RAD18: variants seen among roughly 807,000 people sequenced by gnomAD.
RAD18 encodes E3 ubiquitin-protein ligase RAD18.
Under a neutral mutation model 60.4 loss-of-function variants are expected in RAD18, and 47 were observed. The ratio of observed to expected loss-of-function variants is 0.78; its 90% CI spans 0.62 to 0.99. The LOEUF (loss-of-function observed/expected upper bound fraction) is 0.99. Among genes scored for constraint, RAD18 ranks in the 50% least tolerant of loss-of-function variants. The probability of loss-of-function intolerance (pLI) is 0.00; values close to 1 mark genes in which losing one functional copy is unlikely to be tolerated. For synonymous variants in RAD18, 225 were observed against 195.5 expected, an observed-to-expected ratio of 1.15 and a Z score of -1.26; for missense variants, 640 against 593.3, an observed-to-expected ratio of 1.08 and a Z score of -0.82.
Position 8,941,554 on chromosome 3 carries a change from G to T in RAD18, c.517C>A (p.Arg173Ser). The part of the protein sequence containing the change: ...ASPAAKTKET[R>S]SVEEIAPDPS... ...TCTGGAGCGATCTCTTCTACAGAAC[G>T]TGTCTCTTTGGTCTTTGCAGCAGGG... Residue 173 changes from arginine (R) to serine (S), a missense_variant, in exon 5 of 13, where the codon CGT (arginine) becomes AGT (serine). By Grantham distance (110) the Arg-to-Ser change is moderately radical. Coordinates refer to ENST00000264926, the MANE Select transcript of RAD18 (RefSeq NM_020165.4). 2 of 1,614,102 alleles carry T rather than the reference G, an allele frequency of 1.2e-6. No homozygotes were observed. Among genetic ancestry groups the T allele is most frequent in the Non-Finnish European group, 1.7e-6 (2 of 1,179,988 alleles).
chr3:8,957,943 TAAAATATATTTTA>T (rs1941038054), intron 2 of RAD18, among the ~76,000 whole-genome samples: 1 of 152,252 alleles, frequency 6.6e-6, no homozygotes, highest in Non-Finnish European at 1.5e-5. Flanking sequence ...AAGATGATGT[TAAAATATATTTTA>T]AAACAATCTC....
At chr3:8,887,096 T>C (rs139565122) in intron 12 of RAD18, among the ~76,000 whole-genome samples, 1 of 152,092 alleles carries the variant, frequency 6.6e-6, no homozygotes, top group Non-Finnish European at 1.5e-5. Context: ...CACAAAGGGA[T>C]TGAGACAGTA....
chr3:8,890,852 C>G (rs1939673010), intron 11 of RAD18, among the ~76,000 whole-genome samples: 1 of 151,992 alleles, frequency 6.6e-6, no homozygotes, highest in Non-Finnish European at 1.5e-5. Flanking sequence ...CTGTTTTAAC[C>G]CAACCTTTTC....
At position 8,941,505 on chromosome 3, in the gene RAD18, T is replaced by G. The variant is rs200434102; in HGVS notation, c.566A>C (p.Glu189Ala). The stretch of plus-strand genomic sequence containing the variant: ...TTTCAAAGTGGATGTCGAGGGTGGC[T>G]CAGGACGCTTAGCCTCTGAGGGATC... ...APDPSEAKRP[E>A]PPSTSTLKQV... The change falls in exon 5 of 13, where the codon GAG becomes GCG. Residue 189 changes from glutamate to alanine, a missense_variant. Glu to Ala is a moderately radical substitution (Grantham distance 107, BLOSUM62 -1). Transcript: ENST00000264926. 31 of 1,613,516 alleles carry G rather than the reference T, an allele frequency of 1.9e-5. No individual in the cohort carries two copies. Among genetic ancestry groups the G allele is most frequent in the Middle Eastern group, 1.6e-4 (1 of 6,084 alleles).
chr3:8,934,997 A>C (rs889056219), intron 7 of RAD18, among the ~76,000 whole-genome samples: 2 of 152,238 alleles, frequency 1.3e-5, no homozygotes, highest in African/African-American at 2.4e-5. Flanking sequence ...TAAAGATCAA[A>C]CATAGGCAAA....
chr3:8,937,637 T>C (rs1940675524), intron 6 of RAD18, among the ~76,000 whole-genome samples: 2 of 152,170 alleles, frequency 1.3e-5, no homozygotes, highest in Admixed American at 1.3e-4. Flanking sequence ...AAGAAGAACA[T>C]GGCCCAGTGT....
At chr3:8,921,973 G>A (rs982551376) in intron 7 of RAD18, among the ~76,000 whole-genome samples, 10 of 152,296 alleles carry the variant, frequency 6.6e-5, no homozygotes, top group Admixed American at 3.3e-4. Flanking sequence ...CAAGATGGCC[G>A]AATAGGAACA....
chr3:8,920,756 G>T (rs962459101), intron 7 of RAD18, among the ~76,000 whole-genome samples: 1 of 152,122 alleles, frequency 6.6e-6, no homozygotes, highest in Admixed American at 6.6e-5. Context: ...AACAAAGACT[G>T]TATTCTTTTA....
Position 8,893,292 on chromosome 3 carries a change from G to A in RAD18, c.1323-2841C>T, listed in dbSNP as rs919069395. Reference sequence around the variant, plus strand: ...CCTGAGGATTAAGGATTACCTACAAGTGGAATTTTTCTAGCATCTAGTAGT... The same window carrying A: ...CCTGAGGATTAAGGATTACCTACAAATGGAATTTTTCTAGCATCTAGTAGT... On this transcript the variant is annotated intron_variant, in intron 11 of 12. Transcript: ENST00000264926. Among the ~76,000 whole-genome samples the A allele has an allele frequency of 1.6e-4, 24 of 152,098 alleles. 1 individual carries two copies. The highest frequency in any genetic ancestry group is 5.9e-5 in the Non-Finnish European group (4 of 68,026).
Position 8,898,990 on chromosome 3 carries a change from G to A in RAD18, c.1226C>T (p.Ser409Phe). The A allele has an allele frequency of 1.2e-6, 2 of 1,609,946 alleles. No homozygotes were observed. Among genetic ancestry groups the A allele is most frequent in the Non-Finnish European group, 1.7e-6 (2 of 1,177,336 alleles). Residue 409 changes from serine (S) to phenylalanine (F), a missense_variant, in exon 11 of 13, where the codon TCC (serine) becomes TTC (phenylalanine). Ser to Phe is a radical substitution (Grantham distance 155). Coordinates refer to ENST00000264926, the MANE Select transcript of RAD18 (RefSeq NM_020165.4). The part of the protein sequence containing the change: ...TNHFSQSKLD[S>F]PEELEPDREE... Reference sequence around the variant, plus strand: ...TCTGTCAGGTTCCAATTCCTCTGGGGAGTCCAGCTTTGATTGAGAAAAGTG... The same window carrying A: ...TCTGTCAGGTTCCAATTCCTCTGGGAAGTCCAGCTTTGATTGAGAAAAGTG...
At chr3:8,919,586 A>G (rs1940276289) in intron 7 of RAD18, among the ~76,000 whole-genome samples, 1 of 152,228 alleles carries the variant, frequency 6.6e-6, no homozygotes, top group Non-Finnish European at 1.5e-5. Flanking sequence ...ATGCATGTGT[A>G]TGTATATATG....
chr3:8,949,507 G>A (rs1940894815), intron 2 of RAD18, among the ~76,000 whole-genome samples: 1 of 152,164 alleles, frequency 6.6e-6, no homozygotes. Context: ...CTTTTAGGAA[G>A]CAAAGATGAA....
intron 2 of RAD18, among the ~76,000 whole-genome samples, chr3:8,955,862 C>T (rs182523615): frequency 2.0e-5 from 3 of 152,186 alleles, no homozygotes; most frequent in East Asian, 3.9e-4. Flanking sequence ...TGGTAGTGCC[C>T]CCTTATACAC....
intron 9 of RAD18, among the ~76,000 whole-genome samples, chr3:8,905,766 G>T (rs1177121919): frequency 1.3e-5 from 2 of 152,124 alleles, no homozygotes; most frequent in African/African-American, 4.8e-5. Flanking sequence ...AGTAAAGTTT[G>T]CTCTACTATT....
At chr3:8,928,052 A>AAAC (rs1408500148) in intron 7 of RAD18, among the ~76,000 whole-genome samples, 44 of 144,090 alleles carry the variant, frequency 3.1e-4, no homozygotes, top group African/African-American at 1.1e-3. Flanking sequence ...TAAAACTTAA[A>AAAC]AAAAAAAAAA....
chr3:8,960,220 T>C (rs542186165), intron 1 of RAD18, among the ~76,000 whole-genome samples: 27 of 152,164 alleles, frequency 1.8e-4, no homozygotes, highest in Non-Finnish European at 3.4e-4. Context: ...GGCGGAAGGA[T>C]TGCTTTAGCC....
In RAD18 at chr3:8,917,788, A is replaced by C. The variant is rs1026592191; in HGVS notation, c.890-4068T>G. ...CAAAGCCAACTGCACCAGTATTTAC[A>C]TTAAAGAAAGGGTTTTAAAACACCA... On this transcript the variant is annotated intron_variant, in intron 7 of 12. Coordinates refer to ENST00000264926, the MANE Select transcript of RAD18 (RefSeq NM_020165.4). Among the ~76,000 whole-genome samples the C allele has an allele frequency of 5.9e-5, 9 of 152,320 alleles. 1 individual carries two copies. In the South Asian group the frequency reaches 1.9e-3, roughly 32 times the overall value.
Position 8,906,131 on chromosome 3 carries a change from G to T in RAD18, c.1028-3611C>A, listed in dbSNP as rs117660007. On this transcript the variant is annotated intron_variant, in intron 9 of 12. Transcript: ENST00000264926. ...TTTTTTCTTAATGAAATAATAAAGA[G>T]AATAGAAAGTATCAGAATGCGTTAA... Among the ~76,000 whole-genome samples the T allele has an allele frequency of 2.0e-3, 300 of 152,250 alleles. 2 individuals carry two copies. In the East Asian group the frequency reaches 0.028, roughly 14 times the overall value.
chr3:8,946,751 G>A (rs1465409599), intron 4 of RAD18, among the ~76,000 whole-genome samples: 1 of 152,152 alleles, frequency 6.6e-6, no homozygotes, highest in African/African-American at 2.4e-5. Flanking sequence ...TTATAGATAT[G>A]TGTATATACA....
Sources: allele counts gnomAD v4.1 joint callset (sites outside exome capture counted in the v4.1 genomes callset), GRCh38; gene constraint gnomAD v4.1.1; transcripts MANE v1.5; gene names NCBI Gene and HGNC (gene_info 2026-07-23, HGNC 2026-07-21).